The following KCNN2 variants were observed in gnomAD, a reference collection of about 807,000 sequenced individuals.
The protein encoded by KCNN2 is potassium calcium-activated channel subfamily N member 2.
In KCNN2, 24 loss-of-function variants were observed where a neutral mutation model predicts 55.5. The ratio of observed to expected loss-of-function variants is 0.43; its 90% CI spans 0.31 to 0.61. The LOEUF is 0.61. KCNN2 is among the 20% of genes least tolerant of loss of function. KCNN2 has a pLI of 0.08. For synonymous variants in KCNN2, 431 were observed against 336.1 expected, an observed-to-expected ratio of 1.28 and a Z score of -3.09; for missense variants, 754 against 853.6, an observed-to-expected ratio of 0.88 and a Z score of 1.45.
At chr5:114,252,329 T>G (rs547963238) in intron 2 of KCNN2, among the ~76,000 whole-genome samples, 1 of 152,228 alleles carries the variant, frequency 6.6e-6, no homozygotes, top group Admixed American at 6.5e-5. Flanking sequence ...GAAACTTATA[T>G]GAAGAGACTC....
At chr5:114,091,379 C>T (rs897273478) in intron 1 of KCNN2, among the ~76,000 whole-genome samples, 8 of 151,964 alleles carry the variant, frequency 5.3e-5, no homozygotes, top group Admixed American at 2.0e-4. Flanking sequence ...TATATAAATT[C>T]GGAGCTACCT....
intron 3 of KCNN2, among the ~76,000 whole-genome samples, chr5:114,417,758 C>T (rs970439102): frequency 1.1e-4 from 17 of 152,144 alleles, no homozygotes; most frequent in African/African-American, 3.9e-4. Context: ...GAGATGAGTT[C>T]CCTCTGCAGG....
chr5:114,246,770 A>AT (rs1754755951), intron 2 of KCNN2, among the ~76,000 whole-genome samples: 1 of 152,142 alleles, frequency 6.6e-6, no homozygotes, highest in Non-Finnish European at 1.5e-5. Context: ...TTCTTATTCA[A>AT]TTGTTACTAA....
intron 1 of KCNN2, among the ~76,000 whole-genome samples, chr5:114,150,887 G>C (rs970311245): frequency 6.6e-6 from 1 of 152,114 alleles, no homozygotes; most frequent in Non-Finnish European, 1.5e-5. Flanking sequence ...CATGCATGGT[G>C]GTGCATGCCT....
intron 1 of KCNN2, among the ~76,000 whole-genome samples, chr5:114,114,729 T>C (rs1390900118): frequency 6.6e-6 from 1 of 152,122 alleles, no homozygotes; most frequent in African/African-American, 2.4e-5. Context: ...GGTGGTTTTC[T>C]AATCAATCAT....
At chr5:114,432,470 A>G (rs970022982) in intron 3 of KCNN2, among the ~76,000 whole-genome samples, 1 of 139,130 alleles carries the variant, frequency 7.2e-6, no homozygotes, top group Non-Finnish European at 1.6e-5. Context: ...CTTTATTATT[A>G]AAGTGGGTTT....
intron 1 of KCNN2, among the ~76,000 whole-genome samples, chr5:114,192,866 C>A (rs1377075621): frequency 6.6e-6 from 1 of 152,044 alleles, no homozygotes; most frequent in East Asian, 1.9e-4. Flanking sequence ...TTGCCCCCAG[C>A]CTTCCTCTTC....
At chr5:114,174,262 G>T (rs1262766946) in intron 1 of KCNN2, among the ~76,000 whole-genome samples, 2 of 152,144 alleles carry the variant, frequency 1.3e-5, no homozygotes, top group African/African-American at 4.8e-5. Context: ...CATGAACCCT[G>T]CTGGAGACAG....
At chr5:114,345,200 G>A (rs1312627936) in intron 2 of KCNN2, among the ~76,000 whole-genome samples, 1 of 151,948 alleles carries the variant, frequency 6.6e-6, no homozygotes, top group East Asian at 1.9e-4. Flanking sequence ...ATCTTGTTAA[G>A]TGAAAAAAGT....
upstream of KCNN2, among the ~76,000 whole-genome samples, chr5:114,357,142 A>C (rs2150042282): frequency 6.6e-6 from 1 of 152,248 alleles, no homozygotes; most frequent in East Asian, 1.9e-4. Context: ...TGAATTTGGA[A>C]ATATACCAAA....
At position 114,260,625 on chromosome 5, in the gene KCNN2, A is replaced by G. The variant is rs1334193396; in HGVS notation, c.-185+39060A>G. ...GCAAATAGTGCATAAAACAATATGA[A>G]TAAGTACTTTTTAGAATGAATGAAT... On this transcript the variant is annotated intron_variant, in intron 2 of 10. Transcript: ENST00000512097. Among the ~76,000 whole-genome samples, 5 of 152,210 alleles carry G rather than the reference A, an allele frequency of 3.3e-5. No individual in the cohort carries two copies. In the East Asian group the frequency reaches 5.8e-4, roughly 18 times the overall value.
At chr5:114,163,701 T>C (rs546375155) in intron 1 of KCNN2, among the ~76,000 whole-genome samples, 1 of 152,262 alleles carries the variant, frequency 6.6e-6, no homozygotes, top group African/African-American at 2.4e-5. Context: ...GTGCATCTCC[T>C]GGTAATATGG....
At chr5:114,100,005 TATA>T (rs1482525276) in intron 1 of KCNN2, among the ~76,000 whole-genome samples, 2 of 152,068 alleles carry the variant, frequency 1.3e-5, no homozygotes, top group East Asian at 3.9e-4. Context: ...TCTATCATGT[TATA>T]ATATCTTATT....
intron 1 of KCNN2, among the ~76,000 whole-genome samples, chr5:114,146,034 T>A (rs1365732126): frequency 6.6e-6 from 1 of 152,116 alleles, no homozygotes; most frequent in Non-Finnish European, 1.5e-5. Context: ...CTAGCAGGAA[T>A]GCAAACAGGA....
At chr5:114,084,675 G>A (rs1750975121) in intron 1 of KCNN2, among the ~76,000 whole-genome samples, 1 of 151,846 alleles carries the variant, frequency 6.6e-6, no homozygotes, top group African/African-American at 2.4e-5. Flanking sequence ...TTAATGAAGT[G>A]CTACTTATCA....
chr5:114,320,584 A>T (rs1756596230), intron 2 of KCNN2, among the ~76,000 whole-genome samples: 1 of 151,626 alleles, frequency 6.6e-6, no homozygotes, highest in Non-Finnish European at 1.5e-5. Flanking sequence ...ACTGCACTCC[A>T]GCCTGGGTGA....
In KCNN2 at chr5:114,444,276, C is replaced by A. The variant is rs576802481; in HGVS notation, c.1638-18773C>A. Among the ~76,000 whole-genome samples the A allele has an allele frequency of 2.8e-4, 42 of 152,060 alleles. No homozygotes were observed. In the South Asian group the frequency reaches 8.5e-3, roughly 31 times the overall value. The stretch of plus-strand genomic sequence containing the variant: ...TAGTGGTAATTCCAGGTGCCATGGA[C>A]CATACAGCAAGGGATACATAACCCC... On this transcript the variant is annotated intron_variant, in intron 3 of 7. Transcript: ENST00000673685.
chr5:114,442,453 T>G (rs1009967976), intron 3 of KCNN2, among the ~76,000 whole-genome samples: 6 of 152,024 alleles, frequency 3.9e-5, no homozygotes, highest in Admixed American at 3.9e-4. Context: ...CATCAGGAAT[T>G]TACCTATGTG....
chr5:114,199,597 A>C (rs924241395), intron 1 of KCNN2, among the ~76,000 whole-genome samples: 6 of 121,206 alleles, frequency 5.0e-5, no homozygotes, highest in African/African-American at 1.5e-4. Flanking sequence ...GTTTTATATG[A>C]ATTTTGGGTT....
Sources: allele counts gnomAD v4.1 joint callset (sites outside exome capture counted in the v4.1 genomes callset), GRCh38; gene constraint gnomAD v4.1.1; transcripts MANE v1.5; gene names NCBI Gene and HGNC (gene_info 2026-07-23, HGNC 2026-07-21).